The following FBRSL1 variants were observed in gnomAD, a reference collection of about 807,000 sequenced individuals.
The protein encoded by FBRSL1 is fibrosin like 1, also known as fibrosin-1-like protein.
Under a neutral mutation model 89.6 loss-of-function variants are expected in FBRSL1, and 51 were observed. That is an observed-to-expected ratio of 0.57 (90% CI 0.45 to 0.72). The LOEUF is 0.72. Among genes scored for constraint, FBRSL1 ranks in the 30% least tolerant of loss-of-function variants. The pLI is 0.00. For synonymous variants in FBRSL1, 779 were observed against 681.1 expected, an observed-to-expected ratio of 1.14 and a Z score of -2.24; for missense variants, 1,618 against 1,451.8, an observed-to-expected ratio of 1.11 and a Z score of -1.86.
At position 132,517,072 on chromosome 12, in the gene FBRSL1, G is replaced by A. The variant is rs12830178; in HGVS notation, c.490-8662G>A. 1.7e-3 allele frequency among the ~76,000 whole-genome samples: 261 copies of A among 152,272 alleles called. 2 individuals carry two copies. Among genetic ancestry groups the A allele is most frequent in the Non-Finnish European group, 2.9e-3 (194 of 68,022 alleles). On this transcript the variant is annotated intron_variant, in intron 2 of 18. Transcript: ENST00000680143. ...GACGCTAGAGGCTTATCTTTGTCCC[G>A]GTTGCCAGGCAAGGGTCCTCCTGTG... is the stretch of plus-strand genomic sequence containing the variant.
intron 4 of FBRSL1, among the ~76,000 whole-genome samples, chr12:132,542,859 C>T (rs951400306): frequency 6.6e-6 from 1 of 152,264 alleles, no homozygotes; most frequent in Non-Finnish European, 1.5e-5. Context: ...CCATAATTAA[C>T]ACTTGCACTG....
intron 2 of FBRSL1, chr12:132,510,865 T>C (rs2034252876): frequency 9.7e-7 from 1 of 1,033,488 alleles, no homozygotes; most frequent in Non-Finnish European, 1.2e-6. Flanking sequence ...TTGCCAATAC[T>C]GTCCTTGCAT....
In FBRSL1 at chr12:132,510,907, G is replaced by T; in HGVS notation, c.489+2557G>T. ...GTCTACGTGCACGCTTGCCCCTGGC[G>T]TGCCACCTGTGCGGAGCGCGTGAGC... On this transcript the variant is annotated intron_variant, in intron 2 of 18. Transcript: ENST00000680143. The T allele has an allele frequency of 4.0e-6, 4 of 1,002,060 alleles. No individual in the cohort carries two copies. In the South Asian group the frequency reaches 1.4e-4, roughly 35 times the overall value. 62.1% of individuals were successfully genotyped at this position (1,002,060 alleles called of 1,614,324 possible). A position where few individuals can be genotyped will look rare whatever the true frequency, so the allele number is the denominator to read the frequency against.
At chr12:132,549,050 G>T (rs1470596769) in intron 5 of FBRSL1, among the ~76,000 whole-genome samples, 2 of 152,194 alleles carry the variant, frequency 1.3e-5, no homozygotes, top group African/African-American at 4.8e-5. Context: ...GGCCCGGTGG[G>T]GGTCCAGATA....
At chr12:132,578,368 A>ACACACACACACACACAC (rs1566244750) in intron 15 of FBRSL1, among the ~76,000 whole-genome samples, 21 of 26,576 alleles carry the variant, frequency 7.9e-4, no homozygotes, top group African/African-American at 2.1e-3. Context: ...CACACACACA[A>ACACACACACACACACAC]AATCATAGAG....
intron 4 of FBRSL1, among the ~76,000 whole-genome samples, chr12:132,543,307 G>A (rs930489182): frequency 2.6e-5 from 4 of 152,230 alleles, no homozygotes; most frequent in Non-Finnish European, 5.9e-5. Context: ...CTTTGCCACG[G>A]TGTCCAGTGT....
intron 11 of FBRSL1, among the ~76,000 whole-genome samples, chr12:132,573,743 C>G (rs1025710087): frequency 3.9e-5 from 6 of 152,156 alleles, no homozygotes; most frequent in African/African-American, 1.4e-4. Flanking sequence ...AAACGACCAT[C>G]TCCCCTTGGC....
chr12:132,522,092 G>A (rs114348329), intron 2 of FBRSL1, among the ~76,000 whole-genome samples: 1,832 of 152,182 alleles, frequency 0.012, 31 homozygotes, highest in African/African-American at 0.041. Flanking sequence ...TGCAGCCGGC[G>A]CGGCCCCTCA....
chr12:132,523,304 AG>A (rs1487391531), intron 2 of FBRSL1, among the ~76,000 whole-genome samples: 2 of 152,090 alleles, frequency 1.3e-5, no homozygotes, highest in Admixed American at 6.5e-5. Context: ...CCAGTTCTAC[AG>A]GGTTTTTCGA....
intron 1 of FBRSL1, among the ~76,000 whole-genome samples, chr12:132,496,097 G>T (rs983190456): frequency 6.6e-6 from 1 of 152,220 alleles, no homozygotes; most frequent in Non-Finnish European, 1.5e-5. Context: ...CTGCACCTCC[G>T]CACGTGCTGC....
At chr12:132,551,731 C>T (rs2038182084) in intron 5 of FBRSL1, 1 of 378,466 alleles carries the variant, frequency 2.6e-6, no homozygotes, top group South Asian at 1.9e-5. Context: ...CGCCCCCTCC[C>T]CTGGCCCTTG....
chr12:132,518,022 C>G (rs1424255939), intron 2 of FBRSL1, among the ~76,000 whole-genome samples: 1 of 152,114 alleles, frequency 6.6e-6, no homozygotes, highest in African/African-American at 2.4e-5. Context: ...CGGCACACAC[C>G]TGCTGGAGTC....
intron 4 of FBRSL1, among the ~76,000 whole-genome samples, chr12:132,531,528 CCTCTCTGGGCCT>C (rs1158386060): frequency 1.3e-5 from 2 of 150,474 alleles, no homozygotes; most frequent in African/African-American, 4.9e-5. Flanking sequence ...GTCACGGGTT[CCTCTCTGGGCCT>C]CTGTGTGTGC....
At chr12:132,511,207 C>G in intron 2 of FBRSL1, 1 of 985,516 alleles carries the variant, frequency 1.0e-6, no homozygotes, top group African/African-American at 1.7e-5. Context: ...TCTCAGGACT[C>G]TGCCTCCACC....
chr12:132,577,144 C>T (rs1216632705), intron 15 of FBRSL1, among the ~76,000 whole-genome samples: 1 of 151,982 alleles, frequency 6.6e-6, no homozygotes, highest in African/African-American at 2.4e-5. Flanking sequence ...CCTCTCCTGT[C>T]CTCCCCACCA....
At chr12:132,561,926 C>T (rs2039162633) in intron 5 of FBRSL1, among the ~76,000 whole-genome samples, 1 of 152,168 alleles carries the variant, frequency 6.6e-6, no homozygotes, top group Non-Finnish European at 1.5e-5. Context: ...GAGCCTGGCC[C>T]AAGGGAGCAC....
At chr12:132,519,175 G>A (rs1420599923) in intron 2 of FBRSL1, among the ~76,000 whole-genome samples, 1 of 152,264 alleles carries the variant, frequency 6.6e-6, no homozygotes, top group Non-Finnish European at 1.5e-5. Flanking sequence ...GGTAGGCAAG[G>A]ATAAAAGACA....
Position 132,490,731 on chromosome 12 carries a change from C to A in FBRSL1, c.161C>A (p.Pro54His). 2.0e-6 allele frequency: 2 copies of A among 990,622 alleles called. No individual in the cohort carries two copies. The highest frequency in any genetic ancestry group is 2.4e-6 in the Non-Finnish European group (2 of 835,538). The allele number at this position is 990,622 out of a possible 1,614,324, so 61.4% of individuals were successfully genotyped here. A position where few individuals can be genotyped will look rare whatever the true frequency, so the allele number is the denominator to read the frequency against. The change falls in exon 1 of 19, where the codon CCC becomes CAC. Residue 54 changes from proline to histidine, a missense_variant. Physicochemically the swap from Pro to His is moderately conservative, Grantham distance 77 (BLOSUM62 -2). Coordinates refer to ENST00000680143, the MANE Select transcript of FBRSL1 (RefSeq NM_001367871.1). ...AACGCGGGCCTCCGCGGCGCGCCCC[C>A]CCGAGGCGCCGCCCCCGCGCCCCGC... ...KENAGLRGAP[P>H]RGAAPAPRTA...
intron 1 of FBRSL1, among the ~76,000 whole-genome samples, chr12:132,506,405 G>A (rs1005672266): frequency 6.6e-6 from 1 of 152,100 alleles, no homozygotes; most frequent in African/African-American, 2.4e-5. Context: ...CTGGGGGAGC[G>A]TCTGTGCCCC....
Sources: gnomAD v4.1 joint callset for allele counts (sites outside exome capture counted in the v4.1 genomes callset) on GRCh38, gnomAD v4.1.1 for gene constraint, MANE v1.5 for transcripts, NCBI Gene and HGNC (gene_info 2026-07-23, HGNC 2026-07-21) for gene names.